The following USP15 variants were observed in gnomAD, a reference collection of about 807,000 sequenced individuals.
USP15 encodes ubiquitin specific peptidase 15, also known as ubiquitin carboxyl-terminal hydrolase 15.
Under a neutral mutation model 127.1 loss-of-function variants are expected in USP15, and 18 were observed. That is an observed-to-expected ratio of 0.14 (90% CI 0.10 to 0.21). The LOEUF is 0.21. USP15 is among the 10% of genes least tolerant of loss of function. USP15 has a pLI of 1.00. For synonymous variants in USP15, 364 were observed against 393.7 expected (o/e 0.92, Z 0.89); for missense variants, 805 against 1,159.9 (o/e 0.69, Z 4.44).
chr12:62,327,038 GA>G (rs1206597025), intron 6 of USP15, among the ~76,000 whole-genome samples: 1 of 152,098 alleles, frequency 6.6e-6, no homozygotes, highest in Non-Finnish European at 1.5e-5. Context: ...GCTGATGCAT[GA>G]GAATCACTTG....
chr12:62,302,214 A>G (rs1198228968), intron 2 of USP15, among the ~76,000 whole-genome samples: 1 of 152,116 alleles, frequency 6.6e-6, no homozygotes, highest in Non-Finnish European at 1.5e-5. Context: ...TGTCATTGTA[A>G]AAGGTTGTTG....
chr12:62,336,633 T>C (rs2065474706), intron 6 of USP15: 4 of 365,474 alleles, frequency 1.1e-5, no homozygotes, highest in Non-Finnish European at 1.5e-5. Context: ...TATTTTGACA[T>C]GAATAACACT....
Position 62,411,876 on chromosome 12 carries a change from T to G in USP15, c.*7501T>G, listed in dbSNP as rs2137716002. 6.6e-6 allele frequency: 1 copy of G among 152,246 alleles called. No homozygotes were observed. Among genetic ancestry groups the G allele is most frequent in the South Asian group, 2.1e-4 (1 of 4,822 alleles). 9.4% of individuals were successfully genotyped at this position (152,246 alleles called of 1,614,324 possible). ...AGCAAGCTCTGAGGCATCTCTTTTT[T>G]ATAAGGGCACTAATCCCGTCATGAA... is the stretch of plus-strand genomic sequence containing the variant. On this transcript the variant is annotated 3_prime_UTR_variant, in exon 22 of 22. Transcript: ENST00000280377.
intron 4 of USP15, among the ~76,000 whole-genome samples, chr12:62,318,770 C>T (rs2064904530): frequency 6.6e-6 from 1 of 152,174 alleles, no homozygotes; most frequent in African/African-American, 2.4e-5. Flanking sequence ...ACCTTAGGCT[C>T]TGTCATTCTT....
At position 62,267,791 on chromosome 12, in the gene USP15, T is replaced by C. The variant is rs529359285; in HGVS notation, c.89+7288T>C. On this transcript the variant is annotated intron_variant, in intron 1 of 21. Coordinates refer to ENST00000280377, the MANE Select transcript of USP15 (RefSeq NM_001252078.2). ...GTTTAGAGCCAGTTAAATCAAGACC[T>C]GAGAACATTTAGAGACAAAGTTACT... Among the ~76,000 whole-genome samples the C allele has an allele frequency of 5.7e-4, 87 of 152,234 alleles. 1 individual carries two copies. Among genetic ancestry groups the C allele is most frequent in the African/African-American group, 2.0e-3 (83 of 41,558 alleles).
intron 5 of USP15, among the ~76,000 whole-genome samples, chr12:62,323,741 C>T (rs543564535): frequency 6.6e-6 from 1 of 152,206 alleles, no homozygotes; most frequent in East Asian, 1.9e-4. Flanking sequence ...TAAACCTTTT[C>T]AGCAATCCTC....
chr12:62,321,696 G>A (rs1163049908), intron 5 of USP15, 87 bp downstream of exon 5: 2 of 1,118,252 alleles, frequency 1.8e-6, no homozygotes, highest in Admixed American at 3.4e-5. Context: ...TATATAATGG[G>A]CTGTACTGTT....
At chr12:62,349,172 A>T (rs1054358797) in intron 6 of USP15, 49 bp from the exon 7 acceptor site, 16 of 1,142,824 alleles carry the variant, frequency 1.4e-5, no homozygotes, top group African/African-American at 1.1e-4. Context: ...TAATTAATTT[A>T]AAAATTCTTC....
At chr12:62,269,403 T>C (rs1177207087) in intron 1 of USP15, among the ~76,000 whole-genome samples, 1 of 151,774 alleles carries the variant, frequency 6.6e-6, no homozygotes, top group Non-Finnish European at 1.5e-5. Context: ...AAAGGTAGAG[T>C]AAAAATACAA....
intron 2 of USP15, among the ~76,000 whole-genome samples, chr12:62,296,536 A>G (rs537981502): frequency 3.2e-4 from 49 of 152,358 alleles, no homozygotes; most frequent in African/African-American, 1.2e-3. Flanking sequence ...AATCCTAAAT[A>G]CATACCTACC....
In USP15 at chr12:62,278,561, T is replaced by G. The variant is rs576288125; in HGVS notation, c.90-15618T>G. 7.9e-5 allele frequency: 12 copies of G among 152,220 alleles called. No individual in the cohort carries two copies. The South Asian group carries it at 2.5e-3, about 32-fold the overall frequency. The allele number at this position is 152,220 out of a possible 1,614,324, so 9.4% of individuals were successfully genotyped here. A position where few individuals can be genotyped will look rare whatever the true frequency, so the allele number is the denominator to read the frequency against. Reference sequence around the variant, plus strand: ...TGGCTACATCATTAAGCAAAAGGGCTTTTTTAGGTACATTATGGTGTATGG... The same window carrying G: ...TGGCTACATCATTAAGCAAAAGGGCGTTTTTAGGTACATTATGGTGTATGG... On this transcript the variant is annotated intron_variant, in intron 1 of 21. Coordinates refer to ENST00000280377, the MANE Select transcript of USP15 (RefSeq NM_001252078.2).
chr12:62,274,478 T>A (rs1324642173), intron 1 of USP15, among the ~76,000 whole-genome samples: 4 of 150,312 alleles, frequency 2.7e-5, no homozygotes, highest in Admixed American at 1.3e-4. Flanking sequence ...GACCTGTCCC[T>A]ACAAAAAATT....
chr12:62,405,379 T>A lies in USP15; in HGVS notation c.*1004T>A, dbSNP rs760179099. On this transcript the variant is annotated 3_prime_UTR_variant, in exon 22 of 22. Transcript: ENST00000280377. ...GCTATAAAGGTAGGTCTGTTAACTTTCTTTGTGTGTTCCTGATGGAATTCA... is the reference window on the plus strand; with the variant it reads ...GCTATAAAGGTAGGTCTGTTAACTTACTTTGTGTGTTCCTGATGGAATTCA... 1 of 152,554 alleles carries A rather than the reference T, an allele frequency of 6.6e-6. No individual in the cohort carries two copies. The highest frequency in any genetic ancestry group is 2.4e-5 in the African/African-American group (1 of 41,472). 9.5% of individuals were successfully genotyped at this position (152,554 alleles called of 1,614,324 possible).
intron 8 of USP15, among the ~76,000 whole-genome samples, chr12:62,369,908 A>G (rs768156726): frequency 9.2e-5 from 14 of 152,172 alleles, no homozygotes; most frequent in Non-Finnish European, 1.2e-4. Context: ...TGTCATCATG[A>G]TGATACCTGG....
chr12:62,322,621 C>CT (rs1228587062), intron 5 of USP15, among the ~76,000 whole-genome samples: 1 of 152,048 alleles, frequency 6.6e-6, no homozygotes, highest in Admixed American at 6.6e-5. Flanking sequence ...ATCTTTCTTC[C>CT]TTTGTTTTTT....
intron 8 of USP15, chr12:62,374,417 A>C (rs2066763768): frequency 1.0e-6 from 1 of 985,604 alleles, no homozygotes; most frequent in Non-Finnish European, 1.2e-6. Context: ...TAGTGAGCAT[A>C]CATGATCACT....
chr12:62,337,471 AATTTT>A (rs1394678339), intron 6 of USP15, among the ~76,000 whole-genome samples: 1 of 151,788 alleles, frequency 6.6e-6, no homozygotes, highest in East Asian at 1.9e-4. Context: ...GTCTTTTTTA[AATTTT>A]ATTTTATTTT....
chr12:62,372,115 T>C (rs2066691745), intron 8 of USP15, among the ~76,000 whole-genome samples: 1 of 152,152 alleles, frequency 6.6e-6, no homozygotes, highest in African/African-American at 2.4e-5. Context: ...GAAAAAATTA[T>C]TTACCAGAGA....
intron 6 of USP15, among the ~76,000 whole-genome samples, chr12:62,344,893 A>C (rs1394335157): frequency 2.0e-5 from 3 of 152,194 alleles, no homozygotes; most frequent in Non-Finnish European, 1.5e-5. Flanking sequence ...GCTGAAACAC[A>C]GGGTACCAAG....
Sources: gnomAD v4.1 joint callset for allele counts (sites outside exome capture counted in the v4.1 genomes callset) on GRCh38, gnomAD v4.1.1 for gene constraint, MANE v1.5 for transcripts, NCBI Gene and HGNC (gene_info 2026-07-23, HGNC 2026-07-21) for gene names.